The following ARHGAP15 variants were observed in gnomAD, a reference collection of about 807,000 sequenced individuals.
ARHGAP15 encodes Rho GTPase activating protein 15, also known as rho GTPase-activating protein 15.
In ARHGAP15, 51 loss-of-function variants were observed where a neutral mutation model predicts 63.7. That is an observed-to-expected ratio of 0.80 (90% CI 0.64 to 1.01). ARHGAP15 has a LOEUF of 1.01. Among genes scored for constraint, ARHGAP15 ranks in the 50% least tolerant of loss-of-function variants. The pLI is 0.00. For missense variants in ARHGAP15, 560 were observed against 564.6 expected, an observed-to-expected ratio of 0.99 and a Z score of 0.08; for synonymous variants, 191 against 193.8, an observed-to-expected ratio of 0.99 and a Z score of 0.12.
At chr2:143,233,112 T>A (rs1164459463) in intron 5 of ARHGAP15, among the ~76,000 whole-genome samples, 3 of 152,222 alleles carry the variant, frequency 2.0e-5, no homozygotes, top group South Asian at 2.1e-4. Context: ...TTAATTTTTT[T>A]AATATCACCA....
intron 6 of ARHGAP15, among the ~76,000 whole-genome samples, chr2:143,276,513 AATT>A (rs1681559097): frequency 6.6e-6 from 1 of 152,118 alleles, no homozygotes; most frequent in African/African-American, 2.4e-5. Flanking sequence ...GCATTATTAG[AATT>A]ATTAATCCCA....
chr2:143,504,091 G>A (rs2104940967), intron 9 of ARHGAP15, among the ~76,000 whole-genome samples: 1 of 152,248 alleles, frequency 6.6e-6, no homozygotes, highest in African/African-American at 2.4e-5. Context: ...AAAAATGGGT[G>A]AGACATTTGA....
At chr2:143,201,505 C>G (rs983243550) in intron 2 of ARHGAP15, among the ~76,000 whole-genome samples, 15 of 151,960 alleles carry the variant, frequency 9.9e-5, no homozygotes, top group Non-Finnish European at 2.2e-4. Flanking sequence ...TCTTATTTCA[C>G]GTGTTCTCAC....
In ARHGAP15 at chr2:143,321,689, T is replaced by A. The variant is rs554986222; in HGVS notation, c.474+71089T>A. Among the ~76,000 whole-genome samples, 9 of 152,380 alleles carry A rather than the reference T, an allele frequency of 5.9e-5. No homozygotes were observed. The South Asian group carries it at 1.0e-3, about 18-fold the overall frequency. ...TGCAAGTTAGCTAGAGAGAGACATC[T>A]ATTACAATTCTTTAGTTTTGTTTTT... On this transcript the variant is annotated intron_variant, in intron 6 of 13. Transcript: ENST00000295095.
At chr2:143,438,305 T>G (rs1689705965) in intron 8 of ARHGAP15, among the ~76,000 whole-genome samples, 1 of 152,178 alleles carries the variant, frequency 6.6e-6, no homozygotes, top group Non-Finnish European at 1.5e-5. Flanking sequence ...GCTAGATGAT[T>G]ATTTGTACGT....
chr2:143,530,345 G>A (rs891375148), intron 10 of ARHGAP15, among the ~76,000 whole-genome samples: 2 of 152,046 alleles, frequency 1.3e-5, no homozygotes, highest in African/African-American at 2.4e-5. Flanking sequence ...CGGAAATAGG[G>A]CAATGACCTT....
intron 6 of ARHGAP15, among the ~76,000 whole-genome samples, chr2:143,384,879 G>A (rs1255984094): frequency 6.6e-6 from 1 of 152,124 alleles, no homozygotes; most frequent in South Asian, 2.1e-4. Flanking sequence ...GAGGAAAAAA[G>A]CTTCAGTGCA....
intron 12 of ARHGAP15, among the ~76,000 whole-genome samples, chr2:143,677,327 A>G (rs1264064698): frequency 6.6e-6 from 1 of 152,198 alleles, no homozygotes; most frequent in Non-Finnish European, 1.5e-5. Context: ...TGTATTGTTT[A>G]TCTTTTGACA....
At chr2:143,642,876 G>A (rs1468210254) in intron 12 of ARHGAP15, among the ~76,000 whole-genome samples, 2 of 152,092 alleles carry the variant, frequency 1.3e-5, no homozygotes, top group Non-Finnish European at 2.9e-5. Context: ...GTGAGGAATT[G>A]GGGTTGAAGG....
chr2:143,454,345 A>G (rs1222027455), intron 8 of ARHGAP15, among the ~76,000 whole-genome samples: 1 of 152,112 alleles, frequency 6.6e-6, no homozygotes, highest in Non-Finnish European at 1.5e-5. Flanking sequence ...TATGCTAAGA[A>G]AACAATTGGG....
intron 10 of ARHGAP15, among the ~76,000 whole-genome samples, chr2:143,526,641 C>T (rs1694293962): frequency 6.6e-6 from 1 of 151,996 alleles, no homozygotes; most frequent in Non-Finnish European, 1.5e-5. Context: ...CTTAAGAGTT[C>T]CACCATAAAA....
chr2:143,581,135 C>G (rs1696885528), intron 11 of ARHGAP15, among the ~76,000 whole-genome samples: 1 of 152,142 alleles, frequency 6.6e-6, no homozygotes, highest in Non-Finnish European at 1.5e-5. Context: ...TGCTTGAACA[C>G]CGTCCATGTT....
At chr2:143,209,113 T>G (rs980238399) in intron 3 of ARHGAP15, among the ~76,000 whole-genome samples, 4 of 152,152 alleles carry the variant, frequency 2.6e-5, no homozygotes, top group African/African-American at 9.7e-5. Context: ...TTTCTTGTTT[T>G]AAAACGAAGG....
intron 2 of ARHGAP15, among the ~76,000 whole-genome samples, chr2:143,172,953 C>A (rs184915952): frequency 2.0e-5 from 3 of 152,062 alleles, no homozygotes; most frequent in East Asian, 1.9e-4. Context: ...GGGCTCGAAC[C>A]TTTAAGGAGC....
At chr2:143,349,073 C>G (rs1315762813) in intron 6 of ARHGAP15, among the ~76,000 whole-genome samples, 1 of 152,250 alleles carries the variant, frequency 6.6e-6, no homozygotes, top group Non-Finnish European at 1.5e-5. Flanking sequence ...TCAAAGGACT[C>G]TTAAGATTAT....
At chr2:143,329,454 C>T (rs1217147896) in intron 6 of ARHGAP15, among the ~76,000 whole-genome samples, 2 of 152,046 alleles carry the variant, frequency 1.3e-5, no homozygotes, top group South Asian at 4.1e-4. Context: ...GCCTCAAAAC[C>T]ACAGGAGGTG....
chr2:143,510,972 A>G (rs977172537), intron 9 of ARHGAP15, among the ~76,000 whole-genome samples: 14 of 152,232 alleles, frequency 9.2e-5, no homozygotes, highest in Non-Finnish European at 2.1e-4. Flanking sequence ...AACTGCCTCT[A>G]TTGAGCAGTT....
chr2:143,675,445 C>T (rs532854399), intron 12 of ARHGAP15, among the ~76,000 whole-genome samples: 8 of 152,260 alleles, frequency 5.3e-5, no homozygotes, highest in East Asian at 3.9e-4. Context: ...CAATTTACTT[C>T]GCCCACATTC....
chr2:143,394,328 G>T (rs547539667), intron 6 of ARHGAP15, among the ~76,000 whole-genome samples: 2 of 152,150 alleles, frequency 1.3e-5, no homozygotes, highest in Admixed American at 1.3e-4. Flanking sequence ...GCCAAGACAA[G>T]AACACAAATG....
Sources: allele counts gnomAD v4.1 joint callset (sites outside exome capture counted in the v4.1 genomes callset), GRCh38; gene constraint gnomAD v4.1.1; transcripts MANE v1.5; gene names NCBI Gene and HGNC (gene_info 2026-07-23, HGNC 2026-07-21).